Variants in ITCH observed in about 807,000 individuals in gnomAD.
ITCH encodes the protein itchy E3 ubiquitin protein ligase.
Under a neutral mutation model 126.8 loss-of-function variants are expected in ITCH, and 28 were observed. That is an observed-to-expected ratio of 0.22 (90% CI 0.16 to 0.30). The LOEUF (loss-of-function observed/expected upper bound fraction) is 0.30, where lower values mean the gene tolerates loss of function less well. Among genes scored for constraint, ITCH ranks in the 10% least tolerant of loss-of-function variants. The pLI is 1.00. For missense variants in ITCH, 631 were observed against 1,032.4 expected (o/e 0.61, Z 5.33); for synonymous variants, 342 against 340.0 (o/e 1.01, Z -0.06).
chr20:34,405,279 T>C (rs2039021440), intron 3 of ITCH, among the ~76,000 whole-genome samples: 1 of 151,966 alleles, frequency 6.6e-6, no homozygotes, highest in Admixed American at 6.6e-5. Context: ...CCGAGGCAAG[T>C]GGATCACCTG....
intron 20 of ITCH, among the ~76,000 whole-genome samples, chr20:34,486,515 G>A (rs112037760): frequency 0.019 from 2,814 of 151,552 alleles, 81 homozygotes; most frequent in African/African-American, 0.055. Context: ...TAGTAGAGAC[G>A]GGGTTTTGCC....
At chr20:34,503,365 G>A (rs965736156) in intron 23 of ITCH, among the ~76,000 whole-genome samples, 1 of 152,070 alleles carries the variant, frequency 6.6e-6, no homozygotes, top group Non-Finnish European at 1.5e-5. Flanking sequence ...CTAGGGAAAA[G>A]TAATGATCTT....
At chr20:34,486,496 T>C (rs1254226901) in intron 20 of ITCH, among the ~76,000 whole-genome samples, 1 of 151,680 alleles carries the variant, frequency 6.6e-6, no homozygotes, top group Admixed American at 6.6e-5. Flanking sequence ...TGGCTAATTT[T>C]TGTATTTTTA....
chr20:34,423,220 T>C (rs574825993), intron 6 of ITCH, among the ~76,000 whole-genome samples: 4 of 152,366 alleles, frequency 2.6e-5, no homozygotes, highest in East Asian at 3.9e-4. Context: ...ATCCATGATA[T>C]AGCGTGTTTC....
At position 34,481,202 on chromosome 20, in the gene ITCH, A is replaced by G. The variant is rs890924646; in HGVS notation, c.2089A>G (p.Ile697Val). 3 of 1,613,348 alleles carry G rather than the reference A, an allele frequency of 1.9e-6. No individual in the cohort carries two copies. Among genetic ancestry groups the G allele is most frequent in the Non-Finnish European group, 2.5e-6 (3 of 1,179,646 alleles). Reference protein sequence around the residue: ...LVTEENKEEYIRMVAEWRLSR... With the variant: ...LVTEENKEEYVRMVAEWRLSR... ...AACAGAAGAAAATAAAGAGGAATACATCAGGTGAGAGTGCTCCTTTTCACA... is the reference window on the plus strand; with the variant it reads ...AACAGAAGAAAATAAAGAGGAATACGTCAGGTGAGAGTGCTCCTTTTCACA... The change falls in exon 20 of 25, where the codon ATC (isoleucine) becomes GTC (valine). Residue 697 changes from isoleucine (I) to valine (V), a missense_variant. Around this residue, in one of 4 missense-constraint regions of ITCH, gnomAD observed 390 missense variants for 731.6 expected, o/e 0.53. Coordinates refer to ENST00000374864, the MANE Select transcript of ITCH (RefSeq NM_031483.7).
chr20:34,366,994 AT>A (rs534390077), intron 1 of ITCH, among the ~76,000 whole-genome samples: 4 of 151,214 alleles, frequency 2.6e-5, no homozygotes, highest in African/African-American at 7.3e-5. Flanking sequence ...CTAGATGAGG[AT>A]TTTTTTTTAG....
In ITCH at chr20:34,367,818, G is replaced by T. The variant is rs182717269; in HGVS notation, c.-98-1576G>T. ...GCAACTCTGGGACTGGTATTCTCTG[G>T]TTTACAAAGATCAATGTGCACTACT... is the stretch of plus-strand genomic sequence containing the variant. On this transcript the variant is annotated intron_variant, in intron 1 of 24. Transcript: ENST00000374864. Among the ~76,000 whole-genome samples the T allele has an allele frequency of 8.4e-3, 1,281 of 152,252 alleles. 7 individuals carry two copies. Among genetic ancestry groups the T allele is most frequent in the Non-Finnish European group, 0.015 (996 of 68,008 alleles).
intron 2 of ITCH, among the ~76,000 whole-genome samples, chr20:34,386,404 G>T (rs575752147): frequency 6.6e-6 from 1 of 152,160 alleles, no homozygotes; most frequent in Non-Finnish European, 1.5e-5. Flanking sequence ...TGACAGAGTA[G>T]CCCTGTCCAA....
At chr20:34,373,364 T>C (rs1319991513) in intron 2 of ITCH, among the ~76,000 whole-genome samples, 2 of 151,312 alleles carry the variant, frequency 1.3e-5, no homozygotes, top group African/African-American at 4.9e-5. Context: ...CAACCTCCGT[T>C]TCCTGGGTTC....
rs373185927 is a variant in ITCH at position 34,457,348 on chromosome 20, A to G, written c.1211-42A>G. The G allele has an allele frequency of 7.0e-5, 90 of 1,277,092 alleles. 1 individual carries two copies. The highest frequency in any genetic ancestry group is 9.7e-5 in the Non-Finnish European group (85 of 874,618). The allele number at this position is 1,277,092 out of a possible 1,614,324, so 79.1% of individuals were successfully genotyped here. On this transcript the variant is annotated intron_variant, in intron 12 of 24. Coordinates refer to ENST00000374864, the MANE Select transcript of ITCH (RefSeq NM_031483.7). ...TACCTTGAGCAAGAAGACTATGCCA[A>G]TGCTAATGCTTTGCTTTCCCCTGCC...
chr20:34,507,471 G>C (rs1219143701), intron 24 of ITCH, among the ~76,000 whole-genome samples: 1 of 151,178 alleles, frequency 6.6e-6, no homozygotes, highest in East Asian at 1.9e-4. Context: ...AAATATTGTT[G>C]AGTTTTAAGT....
chr20:34,367,260 C>T (rs935756468), intron 1 of ITCH, among the ~76,000 whole-genome samples: 1 of 152,106 alleles, frequency 6.6e-6, no homozygotes, highest in Non-Finnish European at 1.5e-5. Flanking sequence ...TCACTGCAAC[C>T]TCCACCTCCC....
rs751119730 is a variant in ITCH at position 34,438,581 on chromosome 20, C to G, written c.629C>G (p.Ser210Cys). The G allele has an allele frequency of 6.2e-7, 1 of 1,614,064 alleles. No individual in the cohort carries two copies. ...CTCTCAAATGGTGGTTTTAAACCTTCTAGACCTCCAAGACCTTCACGACCA... is the reference window on the plus strand; with the variant it reads ...CTCTCAAATGGTGGTTTTAAACCTTGTAGACCTCCAAGACCTTCACGACCA... ...PSLSNGGFKP[S>C]RPPRPSRPPP... is the part of the protein sequence containing the mutation. The change falls in exon 8 of 25, where the codon TCT (serine) becomes TGT (cysteine). Residue 210 changes from serine to cysteine, a missense_variant. Physicochemically the swap from Ser to Cys is moderately radical, Grantham distance 112 (BLOSUM62 -1). Around this residue, in one of 4 missense-constraint regions of ITCH, gnomAD observed 220 missense variants for 265.7 expected, o/e 0.83. Transcript: ENST00000374864.
chr20:34,476,111 G>C (rs1454979151), intron 16 of ITCH: 1 of 888,006 alleles, frequency 1.1e-6, no homozygotes, highest in African/African-American at 1.6e-5. Flanking sequence ...TCATATATGT[G>C]ATCTTCAAAG....
chr20:34,445,169 TAA>T, intron 10 of ITCH, 116 bp from the exon 11 acceptor site: 1 of 1,130,842 alleles, frequency 8.8e-7, no homozygotes, highest in Non-Finnish European at 1.3e-6. Flanking sequence ...ACAAACTATT[TAA>T]AAATACATAA....
At chr20:34,428,395 C>T (rs1981835089) in intron 7 of ITCH, among the ~76,000 whole-genome samples, 1 of 152,138 alleles carries the variant, frequency 6.6e-6, no homozygotes, top group South Asian at 2.1e-4. Flanking sequence ...AGCTTTTGAT[C>T]TTAATTCAAG....
At chr20:34,480,495 C>T (rs1339376965) in intron 18 of ITCH, 104 bp from the exon 19 acceptor site, 1 of 1,388,752 alleles carries the variant, frequency 7.2e-7, no homozygotes, top group Non-Finnish European at 1.0e-6. Flanking sequence ...AGCCACCATG[C>T]CTGACCCAGG....
chr20:34,438,668 G>GGACA, intron 8 of ITCH, 37 bp downstream of exon 8: 3 of 1,609,372 alleles, frequency 1.9e-6, no homozygotes, highest in Non-Finnish European at 2.5e-6. Context: ...TGGAAATAAT[G>GGACA]TCCTGGTTGG....
In ITCH at chr20:34,401,623, G is replaced by T. The variant is rs544637108; in HGVS notation, c.71-7028G>T. 24 of 982,372 alleles carry T rather than the reference G, an allele frequency of 2.4e-5. No homozygotes were observed. In the South Asian group the frequency reaches 9.0e-4, roughly 37 times the overall value. The allele number at this position is 982,372 out of a possible 1,614,324, so 60.9% of individuals were successfully genotyped here. ...TACTCCTTCCTAAAAGCCCCAGATGGGGAACATGTTTTCTCAACTAGACCT... is the reference window on the plus strand; with the variant it reads ...TACTCCTTCCTAAAAGCCCCAGATGTGGAACATGTTTTCTCAACTAGACCT... On this transcript the variant is annotated intron_variant, in intron 3 of 24. Coordinates refer to ENST00000374864, the MANE Select transcript of ITCH (RefSeq NM_031483.7).
Sources: allele counts gnomAD v4.1 joint callset (sites outside exome capture counted in the v4.1 genomes callset), GRCh38; gene constraint gnomAD v4.1.1; regional missense constraint gnomAD v4.1.1; transcripts MANE v1.5; gene names NCBI Gene and HGNC (gene_info 2026-07-23, HGNC 2026-07-21).